Variants in LRP1B observed in about 807,000 individuals in gnomAD.
LRP1B encodes the protein low-density lipoprotein receptor-related protein 1B.
In LRP1B, 217 loss-of-function variants were observed where a neutral mutation model predicts 556.6. That is an observed-to-expected ratio of 0.39 (90% CI 0.35 to 0.44). The LOEUF is 0.44. Ranked by LOEUF, LRP1B falls within the 20% of genes least tolerant of loss-of-function variation. LRP1B has a pLI of 1.00. For synonymous variants in LRP1B, 2,047 were observed against 1,865.8 expected, an observed-to-expected ratio of 1.10 and a Z score of -2.50; for missense variants, 5,053 against 5,620.8, an observed-to-expected ratio of 0.90 and a Z score of 3.23.
intron 1 of LRP1B, among the ~76,000 whole-genome samples, chr2:142,064,339 T>A (rs1705025450): frequency 6.6e-6 from 1 of 151,604 alleles, no homozygotes; most frequent in African/African-American, 2.4e-5. Context: ...AGTATGGTGC[T>A]CTATCTTCAC....
At chr2:140,774,896 T>C (rs1320749850) in intron 33 of LRP1B, among the ~76,000 whole-genome samples, 1 of 152,166 alleles carries the variant, frequency 6.6e-6, no homozygotes, top group Admixed American at 6.5e-5. Flanking sequence ...CATTTGGGTA[T>C]TATATACATT....
chr2:141,174,206 C>A (rs186712348), intron 7 of LRP1B, among the ~76,000 whole-genome samples: 1 of 152,054 alleles, frequency 6.6e-6, no homozygotes, highest in Non-Finnish European at 1.5e-5. Context: ...AAAGAATAAT[C>A]ATTTGAAAAT....
chr2:141,259,977 A>T (rs528718535), intron 3 of LRP1B, among the ~76,000 whole-genome samples: 1 of 152,304 alleles, frequency 6.6e-6, no homozygotes, highest in African/African-American at 2.4e-5. Flanking sequence ...GCCATATCGT[A>T]TATACACTAT....
intron 1 of LRP1B, among the ~76,000 whole-genome samples, chr2:142,094,849 A>C: frequency 6.6e-6 from 1 of 151,828 alleles, no homozygotes; most frequent in Non-Finnish European, 1.5e-5. Context: ...GTTTCCTTTC[A>C]GGGCTACAAT....
intron 2 of LRP1B, among the ~76,000 whole-genome samples, chr2:141,690,396 A>ATAAATAT (rs1691472898): frequency 3.7e-5 from 1 of 26,936 alleles, no homozygotes; most frequent in African/African-American, 1.2e-4. Flanking sequence ...TACATCTATA[A>ATAAATAT]ATATATATAT....
rs748612791 is a variant in LRP1B at position 140,541,822 on chromosome 2, A to C, written c.7344T>G (p.His2448Gln). ...CAACAGCTATGATTCCCATTGGCTG[A>C]TGTGGAATATCGGAACGAAGAATTT... Reference protein sequence around the residue: ...DTKILRSDIPHQPMGIIAVAN... With the variant: ...DTKILRSDIPQQPMGIIAVAN... The change falls in exon 44 of 91, where the codon CAT becomes CAG. Residue 2448 changes from histidine (H) to glutamine (Q), a missense_variant. His to Gln is a conservative substitution (Grantham distance 24). Around this residue, in one of 5 missense-constraint regions of LRP1B, gnomAD observed 3,619 missense variants for 3,931.9 expected, o/e 0.92. Coordinates refer to ENST00000389484, the MANE Select transcript of LRP1B (RefSeq NM_018557.3). The C allele has an allele frequency of 1.2e-6, 2 of 1,612,604 alleles. No homozygotes were observed. The highest frequency in any genetic ancestry group is 2.7e-5 in the African/African-American group (2 of 74,970).
intron 41 of LRP1B, among the ~76,000 whole-genome samples, chr2:140,675,838 G>A (rs1393977194): frequency 1.3e-5 from 2 of 152,106 alleles, no homozygotes; most frequent in African/African-American, 4.8e-5. Flanking sequence ...ACATATATAT[G>A]TACATATATT....
chr2:141,024,508 T>C (rs949491637), intron 11 of LRP1B, among the ~76,000 whole-genome samples: 1 of 152,024 alleles, frequency 6.6e-6, no homozygotes, highest in African/African-American at 2.4e-5. Context: ...CATCACTCTA[T>C]GACATTCAGT....
intron 49 of LRP1B, among the ~76,000 whole-genome samples, chr2:140,523,973 G>C (rs1183996906): frequency 6.6e-6 from 1 of 151,702 alleles, no homozygotes; most frequent in African/African-American, 2.4e-5. Flanking sequence ...TTGACAAATG[G>C]GACTTCATTA....
chr2:140,955,940 G>C (rs1417355798), intron 18 of LRP1B, among the ~76,000 whole-genome samples: 1 of 151,454 alleles, frequency 6.6e-6, no homozygotes, highest in Non-Finnish European at 1.5e-5. Context: ...TATGCCATAG[G>C]TATGTTTGAG....
chr2:140,993,815 T>G (rs1697160834), intron 16 of LRP1B, among the ~76,000 whole-genome samples, 180 bp downstream of exon 16: 1 of 152,024 alleles, frequency 6.6e-6, no homozygotes, highest in South Asian at 2.1e-4. Context: ...AAAACTGCTT[T>G]GAAACTATGC....
intron 3 of LRP1B, among the ~76,000 whole-genome samples, chr2:141,411,544 T>A (rs186415259): frequency 6.6e-6 from 1 of 152,186 alleles, no homozygotes; most frequent in African/African-American, 2.4e-5. Flanking sequence ...TGTTTGCCAG[T>A]GTCAGACTTG....
At chr2:140,821,777 A>T (rs1691336996) in intron 31 of LRP1B, among the ~76,000 whole-genome samples, 2 of 152,148 alleles carry the variant, frequency 1.3e-5, no homozygotes, top group South Asian at 4.1e-4. Context: ...GCTCACGCCT[A>T]TAATCCCAGC....
intron 43 of LRP1B, among the ~76,000 whole-genome samples, chr2:140,549,838 C>G (rs1490007241): frequency 6.6e-6 from 1 of 151,916 alleles, no homozygotes; most frequent in African/African-American, 2.4e-5. Context: ...CTAGCATCGG[C>G]TGTAGTGTTG....
chr2:141,032,661 T>C (rs1461648246), intron 11 of LRP1B, among the ~76,000 whole-genome samples: 1 of 151,948 alleles, frequency 6.6e-6, no homozygotes, highest in African/African-American at 2.4e-5. Flanking sequence ...TTAATTTTTC[T>C]GATATTGTCT....
intron 2 of LRP1B, among the ~76,000 whole-genome samples, chr2:141,649,220 A>G (rs355566): frequency 0.83 from 125,679 of 152,116 alleles, 52,084 homozygotes; most frequent in East Asian, 0.94. Context: ...GGAGCCTGGT[A>G]AGATAAGGAC....
intron 43 of LRP1B, among the ~76,000 whole-genome samples, chr2:140,558,158 G>A (rs1325688696): frequency 2.6e-5 from 4 of 152,116 alleles, no homozygotes; most frequent in African/African-American, 9.7e-5. Flanking sequence ...CTCCTACAGT[G>A]CTGGAGGGAA....
intron 7 of LRP1B, among the ~76,000 whole-genome samples, chr2:141,081,093 A>G (rs532253992): frequency 6.6e-6 from 1 of 152,296 alleles, no homozygotes; most frequent in South Asian, 2.1e-4. Flanking sequence ...TTGGCCTCCC[A>G]AAATGCTGGG....
intron 51 of LRP1B, among the ~76,000 whole-genome samples, chr2:140,511,463 G>A (rs1275665085): frequency 2.0e-5 from 3 of 151,880 alleles, no homozygotes; most frequent in South Asian, 4.1e-4. Context: ...CTCCACGCCC[G>A]GCTAATTTTT....
Sources: allele counts gnomAD v4.1 joint callset (sites outside exome capture counted in the v4.1 genomes callset), GRCh38; gene constraint gnomAD v4.1.1; regional missense constraint gnomAD v4.1.1; transcripts MANE v1.5; gene names NCBI Gene and HGNC (gene_info 2026-07-23, HGNC 2026-07-21).